HAS2: variants seen among roughly 807,000 people sequenced by gnomAD.
HAS2 encodes HA synthase 2.
A neutral mutation model predicts 51.6 loss-of-function variants in HAS2; 16 were observed. That is an observed-to-expected ratio of 0.31 (90% CI 0.21 to 0.47). The LOEUF (loss-of-function observed/expected upper bound fraction) is 0.47. Among genes scored for constraint, HAS2 ranks in the 20% least tolerant of loss-of-function variants. The probability of loss-of-function intolerance (pLI) is 1.00; values close to 1 mark genes in which losing one functional copy is unlikely to be tolerated. For missense variants in HAS2, 361 were observed against 662.6 expected (o/e 0.54, Z 5.00); for synonymous variants, 228 against 235.5 (o/e 0.97, Z 0.29).
intron 1 of HAS2, among the ~76,000 whole-genome samples, chr8:121,637,461 G>T (rs1410998564): frequency 6.8e-6 from 1 of 146,616 alleles, no homozygotes; most frequent in Admixed American, 7.0e-5. Context: ...TGAGATCTTG[G>T]CTCACTACAA....
chr8:121,621,707 C>G lies in HAS2; in HGVS notation c.628-4501G>C, dbSNP rs374827149. Among the ~76,000 whole-genome samples the G allele has an allele frequency of 1.1e-3, 170 of 152,286 alleles. 2 individuals carry two copies. In the South Asian group the frequency reaches 0.033, roughly 30 times the overall value. On this transcript the variant is annotated intron_variant, in intron 2 of 3. Transcript: ENST00000303924. ...TTCCTGTCTGTTCTAATTTATCTCA[C>G]TAATCTTAAAGTTAATTTATCTCAC...
At chr8:121,636,277 G>A (rs533200478) in intron 1 of HAS2, among the ~76,000 whole-genome samples, 2 of 152,214 alleles carry the variant, frequency 1.3e-5, no homozygotes, top group South Asian at 2.1e-4. Flanking sequence ...CTGTCCCTAC[G>A]TAGAAATCTG....
chr8:121,617,245 A>T, intron 2 of HAS2, 39 bp from the exon 3 acceptor site: 1 of 1,227,746 alleles, frequency 8.1e-7, no homozygotes, highest in African/African-American at 1.5e-5. Context: ...AAAGAAAAGG[A>T]AGAACTATAA....
chr8:121,621,625 A>T (rs1812775324), intron 2 of HAS2, among the ~76,000 whole-genome samples: 1 of 152,200 alleles, frequency 6.6e-6, no homozygotes, highest in Non-Finnish European at 1.5e-5. Context: ...TTGATTACAT[A>T]TACAGAATCT....
chr8:121,633,510 C>T (rs1014724286), intron 1 of HAS2, among the ~76,000 whole-genome samples: 1 of 152,106 alleles, frequency 6.6e-6, no homozygotes, highest in African/African-American at 2.4e-5. Context: ...AGACACAAGG[C>T]TAGCCAATAC....
chr8:121,636,592 A>G (rs1312806567), intron 1 of HAS2, among the ~76,000 whole-genome samples: 2 of 152,068 alleles, frequency 1.3e-5, no homozygotes, highest in African/African-American at 2.4e-5. Context: ...CCTTTGCACC[A>G]TCTATATTAA....
Position 121,640,834 on chromosome 8 carries a change from A to G in HAS2, c.-1+19T>C, listed in dbSNP as rs1813084642. On this transcript the variant is annotated intron_variant, in intron 1 of 3. Coordinates refer to ENST00000303924, the MANE Select transcript of HAS2 (RefSeq NM_005328.3). The stretch of plus-strand genomic sequence containing the variant: ...TGGAGGACCTTCATCCTTCACCAAA[A>G]CGCGCCAGTGTAACGTACCTTGTTC... The G allele has an allele frequency of 1.3e-5, 2 of 151,888 alleles. No individual in the cohort carries two copies. Among genetic ancestry groups the G allele is most frequent in the Non-Finnish European group, 1.5e-5 (1 of 67,990 alleles). The allele number at this position is 151,888 out of a possible 1,614,324, so 9.4% of individuals were successfully genotyped here. A position where few individuals can be genotyped will look rare whatever the true frequency, so the allele number is the denominator to read the frequency against.
rs1812659753 is a variant in HAS2, at chr8:121,613,183, A to G, written c.*926T>C. 6.6e-6 allele frequency: 1 copy of G among 152,078 alleles called. No homozygotes were observed. The highest frequency in any genetic ancestry group is 2.4e-5 in the African/African-American group (1 of 41,434). The allele number at this position is 152,078 out of a possible 1,614,324, so 9.4% of individuals were successfully genotyped here. ...GGATGCCTACTGTTTTCTTTCAAAG[A>G]CTATCATTCCCTTTTTTTTAAATCT... On this transcript the variant is annotated 3_prime_UTR_variant, in exon 4 of 4. Transcript: ENST00000303924.
chr8:121,621,013 T>C (rs923217361), intron 2 of HAS2, among the ~76,000 whole-genome samples: 1 of 152,174 alleles, frequency 6.6e-6, no homozygotes, highest in Non-Finnish European at 1.5e-5. Context: ...TACTTACTAT[T>C]TATGGCTGCT....
chr8:121,631,341 C>T (rs1254945267), intron 1 of HAS2, among the ~76,000 whole-genome samples: 1 of 152,222 alleles, frequency 6.6e-6, no homozygotes, highest in Non-Finnish European at 1.5e-5. Flanking sequence ...TTCTAGCTTG[C>T]GGACGTCTCT....
chr8:121,617,640 C>T (rs1353489307), intron 2 of HAS2, among the ~76,000 whole-genome samples: 1 of 151,894 alleles, frequency 6.6e-6, no homozygotes, highest in Non-Finnish European at 1.5e-5. Flanking sequence ...GCCTTTTTGT[C>T]TTTCAGGTCT....
Position 121,615,040 on chromosome 8 carries a change from T to C in HAS2, c.730-2A>G. 6.3e-7 allele frequency: 1 copy of C among 1,589,364 alleles called. No homozygotes were observed. The highest frequency in any genetic ancestry group is 8.6e-7 in the Non-Finnish European group (1 of 1,168,614). On this transcript the variant is annotated splice_acceptor_variant, in intron 3 of 3. Transcript: ENST00000303924. LOFTEE classifies it high-confidence loss of function. Reference sequence around the variant, plus strand: ...CCAGGAATCGTACTTGTTTAAAATCTGCAAGAAGAAAAACATAAGTAATAG... The same window carrying C: ...CCAGGAATCGTACTTGTTTAAAATCCGCAAGAAGAAAAACATAAGTAATAG...
rs1291655838 is a variant in HAS2 at position 121,613,355 on chromosome 8, A to G, written c.*754T>C. The G allele has an allele frequency of 6.6e-6, 1 of 152,632 alleles. No homozygotes were observed. Among genetic ancestry groups the G allele is most frequent in the African/African-American group, 2.4e-5 (1 of 41,456 alleles). The allele number at this position is 152,632 out of a possible 1,614,324, so 9.5% of individuals were successfully genotyped here. ...TAAAAACAAAAAGTTAAAATATTGA[A>G]AGTTTAAATACTTCTTTCACAGAAA... On this transcript the variant is annotated 3_prime_UTR_variant, in exon 4 of 4. Coordinates refer to ENST00000303924, the MANE Select transcript of HAS2 (RefSeq NM_005328.3).
chr8:121,618,771 A>C (rs1015616611), intron 2 of HAS2, among the ~76,000 whole-genome samples: 1 of 152,186 alleles, frequency 6.6e-6, no homozygotes, highest in East Asian at 1.9e-4. Flanking sequence ...ATTATCTGCT[A>C]TTCCCATTAT....
Position 121,629,310 on chromosome 8 carries a change from T to G in HAS2, c.31A>C (p.Arg11=). The G allele has an allele frequency of 6.2e-7, 1 of 1,610,994 alleles. No individual in the cohort carries two copies. Among genetic ancestry groups the G allele is most frequent in the Non-Finnish European group, 8.5e-7 (1 of 1,177,590 alleles). ...CCAAAGAGTGTGGTTCCAATTATTC[T>G]CAGGATACATAGAAACCTCTCACAA... The part of the protein sequence containing the change: MHCERFLCIL[R]IIGTTLFGVS... The change falls in exon 2 of 4, where the codon AGA becomes CGA. Residue 11 remains arginine (R), a synonymous_variant. Coordinates refer to ENST00000303924, the MANE Select transcript of HAS2 (RefSeq NM_005328.3).
At chr8:121,632,767 T>C (rs1812951009) in intron 1 of HAS2, among the ~76,000 whole-genome samples, 1 of 147,640 alleles carries the variant, frequency 6.8e-6, no homozygotes, top group African/African-American at 2.5e-5. Context: ...TCATCATTAT[T>C]ATAATGGTGG....
At chr8:121,639,209 TCAGGCCTC>T (rs1357120980) in intron 1 of HAS2, 8 of 152,312 alleles carry the variant, frequency 5.3e-5, no homozygotes, top group Admixed American at 1.3e-4. Context: ...CTATATATAC[TCAGGCCTC>T]CAGTTGGGGG....
intron 2 of HAS2, 148 bp downstream of exon 2, chr8:121,628,566 G>T: frequency 2.9e-6 from 2 of 684,492 alleles, no homozygotes; most frequent in Non-Finnish European, 4.8e-6. Flanking sequence ...TTCAAAATGT[G>T]CTTTCAACAG....
intron 1 of HAS2, among the ~76,000 whole-genome samples, chr8:121,635,755 T>G (rs1337592785): frequency 6.6e-6 from 1 of 152,258 alleles, no homozygotes; most frequent in African/African-American, 2.4e-5. Context: ...CAAAAGATGA[T>G]GAGACATTTA....
Sources: gnomAD v4.1 joint callset for allele counts (sites outside exome capture counted in the v4.1 genomes callset) on GRCh38, gnomAD v4.1.1 for gene constraint, MANE v1.5 for transcripts, NCBI Gene and HGNC (gene_info 2026-07-23, HGNC 2026-07-21) for gene names.